Variants in TAAR2 observed in about 807,000 individuals in gnomAD.
The protein encoded by TAAR2 is trace amine-associated receptor 2.
In TAAR2, 30 loss-of-function variants were observed where a neutral mutation model predicts 25.5. That is an observed-to-expected ratio of 1.18 (90% CI 0.88 to 1.60). The LOEUF is 1.60. TAAR2 is among the 40% of genes most tolerant of loss of function. The probability of loss-of-function intolerance (pLI) is 0.00; values close to 1 mark genes in which losing one functional copy is unlikely to be tolerated. For synonymous variants in TAAR2, 150 were observed against 142.4 expected, an observed-to-expected ratio of 1.05 and a Z score of -0.38; for missense variants, 481 against 416.5, an observed-to-expected ratio of 1.15 and a Z score of -1.35.
At chr6:132,621,425 C>G (rs559470481) in intron 1 of TAAR2, among the ~76,000 whole-genome samples, 1 of 151,990 alleles carries the variant, frequency 6.6e-6, no homozygotes, top group Non-Finnish European at 1.5e-5. Context: ...TGCCCCCCAC[C>G]CCCTGACAAG....
rs746956559 is a variant in TAAR2 at position 132,617,650 on chromosome 6, C to T, written c.556G>A (p.Asp186Asn). 1.2e-6 allele frequency: 2 copies of T among 1,613,848 alleles called. No homozygotes were observed. The highest frequency in any genetic ancestry group is 1.7e-6 in the Non-Finnish European group (2 of 1,179,986). ...FGVVFSEAYA[D>N]GIEGYDILVA... ...AAGATGTCATAGCCCTCTATTCCAT[C>T]TGCATAGGCCTCTGAGAAGACCACC... The change falls in exon 2 of 2, where the codon GAT (aspartate) becomes AAT (asparagine). Residue 186 changes from aspartate (D) to asparagine (N), a missense_variant. Coordinates refer to ENST00000367931, the MANE Select transcript of TAAR2 (RefSeq NM_001033080.1).
Position 132,617,659 on chromosome 6 carries a change from C to A in TAAR2, c.547G>T (p.Ala183Ser). ...AFAFGVVFSE[A>S]YADGIEGYDI... ...TAGCCCTCTATTCCATCTGCATAGG[C>A]CTCTGAGAAGACCACCCCGAAGGCA... Residue 183 changes from alanine (A) to serine (S), a missense_variant, in exon 2 of 2, where the codon GCC becomes TCC. Ala to Ser is a moderately conservative substitution (Grantham distance 99). Coordinates refer to ENST00000367931, the MANE Select transcript of TAAR2 (RefSeq NM_001033080.1). 1 of 1,613,904 alleles carries A rather than the reference C, an allele frequency of 6.2e-7. No individual in the cohort carries two copies. Among genetic ancestry groups the A allele is most frequent in the Non-Finnish European group, 8.5e-7 (1 of 1,179,974 alleles).
chr6:132,621,425 C>T (rs559470481), intron 1 of TAAR2, among the ~76,000 whole-genome samples: 9 of 152,108 alleles, frequency 5.9e-5, no homozygotes, highest in African/African-American at 1.4e-4. Context: ...TGCCCCCCAC[C>T]CCCTGACAAG....
Position 132,617,413 on chromosome 6 carries a change from C to T in TAAR2, c.793G>A (p.Gly265Arg). Residue 265 changes from glycine to arginine, a missense_variant, in exon 2 of 2, where the codon GGA (glycine) becomes AGA (arginine). By Grantham distance (125) the Gly-to-Arg change is moderately radical. Coordinates refer to ENST00000367931, the MANE Select transcript of TAAR2 (RefSeq NM_001033080.1). ...AATAAGAAAACTCCTATCACTATTCCTAAAGTTTTGGCAGCTTTTTTGTCT... is the reference window on the plus strand; with the variant it reads ...AATAAGAAAACTCCTATCACTATTCTTAAAGTTTTGGCAGCTTTTTTGTCT... ...KKDKKAAKTLGIVIGVFLLCW... is the reference protein window; with the variant it reads ...KKDKKAAKTLRIVIGVFLLCW... 1 of 1,613,666 alleles carries T rather than the reference C, an allele frequency of 6.2e-7. No individual in the cohort carries two copies.
rs746705772 is a variant in TAAR2 at position 132,617,271 on chromosome 6, G to A, written c.935C>T (p.Pro312Leu). 34 of 1,613,508 alleles carry A rather than the reference G, an allele frequency of 2.1e-5. No homozygotes were observed. Among genetic ancestry groups the A allele is most frequent in the East Asian group, 8.9e-5 (4 of 44,730 alleles). ...WFGYFNSTCNPLIYGFFYPWF... is the reference protein window; with the variant it reads ...WFGYFNSTCNLLIYGFFYPWF... ...GGGATAGAAGAAACCATATATTAAC[G>A]GATTACATGTGGAGTTAAAATAGCC... The change falls in exon 2 of 2, where the codon CCG becomes CTG. Residue 312 changes from proline (P) to leucine (L), a missense_variant. By Grantham distance (98) the Pro-to-Leu change is moderately conservative. Transcript: ENST00000367931.
chr6:132,622,802 C>G (rs965729368), intron 1 of TAAR2, among the ~76,000 whole-genome samples: 3 of 152,072 alleles, frequency 2.0e-5, no homozygotes, highest in Admixed American at 6.6e-5. Context: ...ACTTTTAAGA[C>G]TTAATGGATT....
chr6:132,618,118 T>G lies in TAAR2; in HGVS notation c.88A>C (p.Asn30His). Residue 30 changes from asparagine to histidine, a missense_variant, in exon 2 of 2, where the codon AAT (asparagine) becomes CAT (histidine). Transcript: ENST00000367931. ...CTTTCATTTTCTGGGCAAGATCTAT[T>G]TCCATATTCAGAGCAATTGAATTTT... The part of the protein sequence containing the change: ...KEKFNCSEYG[N>H]RSCPENERSL... 6.2e-7 allele frequency: 1 copy of G among 1,601,730 alleles called. No individual in the cohort carries two copies. Among genetic ancestry groups the G allele is most frequent in the Non-Finnish European group, 8.5e-7 (1 of 1,174,524 alleles).
At chr6:132,618,865 TACC>T (rs1165919194) in intron 1 of TAAR2, among the ~76,000 whole-genome samples, 5 of 152,250 alleles carry the variant, frequency 3.3e-5, no homozygotes, top group Non-Finnish European at 7.3e-5. Flanking sequence ...TGTGATCTAT[TACC>T]TGTGGGATCA....
At chr6:132,621,141 C>A (rs570062866) in intron 1 of TAAR2, among the ~76,000 whole-genome samples, 22 of 145,706 alleles carry the variant, frequency 1.5e-4, no homozygotes, top group Non-Finnish European at 3.1e-4. Flanking sequence ...CACTTTACTT[C>A]TTAGAAAGTA....
chr6:132,618,888 T>C (rs1249464959), intron 1 of TAAR2, among the ~76,000 whole-genome samples: 1 of 152,220 alleles, frequency 6.6e-6, no homozygotes, highest in Non-Finnish European at 1.5e-5. Context: ...AGGAGGTTAT[T>C]ATTTGAAAAC....
chr6:132,618,182 T>A, intron 1 of TAAR2, 37 bp from the exon 2 acceptor site: 1 of 1,519,184 alleles, frequency 6.6e-7, no homozygotes, highest in South Asian at 1.3e-5. Context: ...TTTGTCAGAA[T>A]ATAAATATTC....
At chr6:132,620,575 A>C (rs1777358271) in intron 1 of TAAR2, among the ~76,000 whole-genome samples, 1 of 152,166 alleles carries the variant, frequency 6.6e-6, no homozygotes, top group Non-Finnish European at 1.5e-5. Flanking sequence ...ATGAGAACTT[A>C]TGAACACAAA....
intron 1 of TAAR2, among the ~76,000 whole-genome samples, chr6:132,621,475 C>T (rs954531193): frequency 3.3e-5 from 5 of 152,040 alleles, no homozygotes; most frequent in Admixed American, 6.6e-5. Flanking sequence ...TCCACGTGTA[C>T]TCTTGTTAAG....
At position 132,617,531 on chromosome 6, in the gene TAAR2, C is replaced by T. The variant is rs1360080289; in HGVS notation, c.675G>A (p.Met225Ile). ...MAGFFTPGSM[M>I]VGIYGKIFAV... ...CAAAAATTTTGCCATAAATCCCCAC[C>T]ATCATAGACCCAGGAGTGAAGAAAC... The change falls in exon 2 of 2, where the codon ATG (methionine) becomes ATA (isoleucine). Residue 225 changes from methionine to isoleucine, a missense_variant. By Grantham distance (10) the Met-to-Ile change is conservative. Transcript: ENST00000367931. 1 of 1,613,796 alleles carries T rather than the reference C, an allele frequency of 6.2e-7. No homozygotes were observed. Among genetic ancestry groups the T allele is most frequent in the African/African-American group, 1.3e-5 (1 of 74,886 alleles).
At chr6:132,622,115 C>T (rs189855551) in intron 1 of TAAR2, among the ~76,000 whole-genome samples, 18 of 151,830 alleles carry the variant, frequency 1.2e-4, no homozygotes, top group Admixed American at 8.5e-4. Flanking sequence ...GATCTTTTCG[C>T]CATTACTGTT....
At chr6:132,618,636 T>A (rs1428911903) in intron 1 of TAAR2, among the ~76,000 whole-genome samples, 1 of 151,232 alleles carries the variant, frequency 6.6e-6, no homozygotes, top group Non-Finnish European at 1.5e-5. Flanking sequence ...AGAGACTCCA[T>A]CTCGAGAAAA....
At position 132,622,870 on chromosome 6, in the gene TAAR2, C is replaced by A. The variant is rs545302558; in HGVS notation, c.60+1346G>T. On this transcript the variant is annotated intron_variant, in intron 1 of 1. Transcript: ENST00000367931. ...TCTCATTTCCTTGAATTATTTTGCCCTTACCCAAGCTGTTGATTTCTTTTG... is the reference window on the plus strand; with the variant it reads ...TCTCATTTCCTTGAATTATTTTGCCATTACCCAAGCTGTTGATTTCTTTTG... Among the ~76,000 whole-genome samples the A allele has an allele frequency of 2.0e-5, 3 of 152,220 alleles. No individual in the cohort carries two copies. The East Asian group carries it at 5.8e-4, about 29-fold the overall frequency.
At chr6:132,620,175 C>T (rs561775025) in intron 1 of TAAR2, among the ~76,000 whole-genome samples, 1 of 152,342 alleles carries the variant, frequency 6.6e-6, no homozygotes, top group Non-Finnish European at 1.5e-5. Flanking sequence ...CTTCCTCCAA[C>T]TGATGCCAAG....
intron 1 of TAAR2, 57 bp downstream of exon 1, chr6:132,624,159 G>T (rs1777412407): frequency 6.6e-7 from 1 of 1,522,954 alleles, no homozygotes; most frequent in Non-Finnish European, 9.1e-7. Flanking sequence ...ACATGTTTAT[G>T]CCAAAATCTT....
Sources: allele counts gnomAD v4.1 joint callset (sites outside exome capture counted in the v4.1 genomes callset), GRCh38; gene constraint gnomAD v4.1.1; transcripts MANE v1.5; gene names NCBI Gene and HGNC (gene_info 2026-07-23, HGNC 2026-07-21).